CELF2: variants seen among roughly 807,000 people sequenced by gnomAD.
CELF2 encodes CUGBP Elav-like family member 2.
Under a neutral mutation model 62.6 loss-of-function variants are expected in CELF2, and 8 were observed. The ratio of observed to expected loss-of-function variants is 0.13; its 90% CI spans 0.07 to 0.23. CELF2 has a LOEUF of 0.23. CELF2 is among the 10% of genes least tolerant of loss of function. The pLI, the probability that CELF2 is intolerant of heterozygous loss-of-function variation, is 1.00. For synonymous variants in CELF2, 258 were observed against 250.0 expected (o/e 1.03, Z -0.30); for missense variants, 333 against 671.0 (o/e 0.50, Z 5.56).
intron 1 of CELF2, among the ~76,000 whole-genome samples, chr10:10,879,671 A>G (rs1458439029): frequency 1.3e-5 from 2 of 152,220 alleles, no homozygotes; most frequent in Non-Finnish European, 2.9e-5. Flanking sequence ...CTTCGGCCCA[A>G]TCAAATGTAA....
the CELF2 span, among the ~76,000 whole-genome samples, chr10:10,740,256 T>A: frequency 1.3e-5 from 2 of 150,744 alleles, no homozygotes; most frequent in Admixed American, 6.7e-5. Context: ...CCATTTCAAG[T>A]CTCATCTTTA....
At chr10:11,009,511 C>G (rs991763727) in intron 1 of CELF2, among the ~76,000 whole-genome samples, 3 of 152,164 alleles carry the variant, frequency 2.0e-5, no homozygotes, top group African/African-American at 7.2e-5. Flanking sequence ...TATCTCCCCC[C>G]ACAGCTTTCT....
Position 11,145,621 on chromosome 10 carries a change from G to A in CELF2, c.75-19865G>A, listed in dbSNP as rs1217574711. ...AGTGGAGAGCGGAAGTGAGCTGTGG[G>A]TGACTGCAGAGAGGTTGTAGCACTC... On this transcript the variant is annotated intron_variant, in intron 1 of 12. Transcript: ENST00000633077. The surrounding 1 kb of genome is among the most constrained non-coding windows in gnomAD (Gnocchi z 4.3). Among the ~76,000 whole-genome samples the A allele has an allele frequency of 6.6e-6, 1 of 152,204 alleles. No individual in the cohort carries two copies. Among genetic ancestry groups the A allele is most frequent in the Non-Finnish European group, 1.5e-5 (1 of 68,034 alleles).
chr10:10,629,818 T>C, the CELF2 span, among the ~76,000 whole-genome samples: 5 of 131,856 alleles, frequency 3.8e-5, no homozygotes, highest in Non-Finnish European at 6.1e-5. Context: ...TGTTATGTAG[T>C]AGTTTTTGCC....
chr10:11,279,263 T>G (rs1275563997), intron 8 of CELF2, among the ~76,000 whole-genome samples: 3 of 152,220 alleles, frequency 2.0e-5, no homozygotes, highest in Non-Finnish European at 4.4e-5. Context: ...CCAGAATATC[T>G]GGTCTAAGTT....
chr10:11,180,463 A>T (rs539277344), intron 2 of CELF2, among the ~76,000 whole-genome samples: 7 of 152,290 alleles, frequency 4.6e-5, no homozygotes, highest in Non-Finnish European at 8.8e-5. Flanking sequence ...CAGAGCAGTG[A>T]CAACAGTGTC....
rs970775440 is a variant in CELF2 at position 11,277,172 on chromosome 10, A to G, written c.841+2052A>G. 2.6e-5 allele frequency among the ~76,000 whole-genome samples: 4 copies of G among 152,194 alleles called. No homozygotes were observed. In the East Asian group the frequency reaches 7.7e-4, roughly 29 times the overall value. Reference sequence around the variant, plus strand: ...AGGTCTCCTCTTCCTACGTATTTGAAGTATTATGGCTTGGAGTACTTTCTC... The same window carrying G: ...AGGTCTCCTCTTCCTACGTATTTGAGGTATTATGGCTTGGAGTACTTTCTC... On this transcript the variant is annotated intron_variant, in intron 8 of 12. Transcript: ENST00000633077.
At chr10:10,541,406 C>G in the CELF2 span, among the ~76,000 whole-genome samples, 1 of 152,076 alleles carries the variant, frequency 6.6e-6, no homozygotes, top group South Asian at 2.1e-4. Context: ...AATGTGAAAG[C>G]AAGTTTATTA....
At chr10:10,852,789 A>G (rs568818653) in intron 1 of CELF2, among the ~76,000 whole-genome samples, 85 of 152,324 alleles carry the variant, frequency 5.6e-4, no homozygotes, top group Non-Finnish European at 3.4e-4. Context: ...TCAAAAAGAA[A>G]ACTTTAAACA....
At chr10:10,733,242 G>C in the CELF2 span, among the ~76,000 whole-genome samples, 1 of 152,160 alleles carries the variant, frequency 6.6e-6, no homozygotes. Flanking sequence ...GTTTCTCTAA[G>C]AGATGTGCTA....
In CELF2 at chr10:11,285,503, C is replaced by T. The variant is rs1041361047; in HGVS notation, c.842-2915C>T. ...GACACCCAGGCCCTTAGCCCTGGATCCTAAAGGAGCGGGCAGTGGAGAGAA... is the reference window on the plus strand; with the variant it reads ...GACACCCAGGCCCTTAGCCCTGGATTCTAAAGGAGCGGGCAGTGGAGAGAA... On this transcript the variant is annotated intron_variant, in intron 8 of 12. Transcript: ENST00000633077. This position sits in a 1 kb window ranked among gnomAD's most constrained non-coding sequence, Gnocchi z 4.3. Among the ~76,000 whole-genome samples the T allele has an allele frequency of 2.6e-5, 4 of 152,114 alleles. No individual in the cohort carries two copies. Among genetic ancestry groups the T allele is most frequent in the African/African-American group, 9.7e-5 (4 of 41,398 alleles).
In CELF2 at chr10:11,234,021, A is replaced by G. The variant is rs143696538; in HGVS notation, c.355-15132A>G. 1.6e-3 allele frequency among the ~76,000 whole-genome samples: 241 copies of G among 152,316 alleles called. 1 individual carries two copies. Among genetic ancestry groups the G allele is most frequent in the African/African-American group, 5.7e-3 (235 of 41,560 alleles). On this transcript the variant is annotated intron_variant, in intron 3 of 12. Transcript: ENST00000633077. ...CTGCTGAGTTTGAAGGGTGAGATCC[A>G]CGCTCTATACTGTGCCCCTACCTTT...
chr10:11,189,648 G>C (rs1442503353), intron 2 of CELF2, among the ~76,000 whole-genome samples: 1 of 152,210 alleles, frequency 6.6e-6, no homozygotes, highest in African/African-American at 2.4e-5. Context: ...AGCTCCCTGT[G>C]CTGTGGCCTG....
At chr10:10,806,281 T>C (rs1341390336) in intron 1 of CELF2, among the ~76,000 whole-genome samples, 2 of 150,570 alleles carry the variant, frequency 1.3e-5, no homozygotes, top group Non-Finnish European at 3.0e-5. Flanking sequence ...CTTGGTTCAC[T>C]GCAACCTCTT....
At chr10:11,219,701 A>T (rs891529473) in intron 3 of CELF2, among the ~76,000 whole-genome samples, 1 of 152,226 alleles carries the variant, frequency 6.6e-6, no homozygotes, top group Admixed American at 6.5e-5. Context: ...TATAGGAAAA[A>T]CATGAAAGTG....
At chr10:11,248,821 C>A (rs2076341567) in intron 3 of CELF2, among the ~76,000 whole-genome samples, 1 of 152,204 alleles carries the variant, frequency 6.6e-6, no homozygotes, top group African/African-American at 2.4e-5. Flanking sequence ...CTCGAGATTG[C>A]ATGGCTGTAA....
At chr10:11,263,490 G>C (rs1243688523) in intron 5 of CELF2, among the ~76,000 whole-genome samples, 1 of 152,132 alleles carries the variant, frequency 6.6e-6, no homozygotes, top group South Asian at 2.1e-4. Context: ...TAGCCAAATT[G>C]CTGATTGCTG....
At chr10:10,765,290 A>T in the CELF2 span, among the ~76,000 whole-genome samples, 1 of 152,214 alleles carries the variant, frequency 6.6e-6, no homozygotes, top group East Asian at 1.9e-4. Context: ...CAATTCTTAC[A>T]AAAGTAGAAG....
the CELF2 span, among the ~76,000 whole-genome samples, chr10:10,567,025 C>T: frequency 3.0e-4 from 46 of 152,150 alleles, no homozygotes; most frequent in East Asian, 2.5e-3. Context: ...TCACATCTGC[C>T]GCGAAGATAA....
Sources: gnomAD v4.1 joint callset for allele counts (sites outside exome capture counted in the v4.1 genomes callset) on GRCh38, gnomAD v4.1.1 for gene constraint, Gnocchi (gnomAD v3.1) non-coding constraint, MANE v1.5 for transcripts, NCBI Gene and HGNC (gene_info 2026-07-23, HGNC 2026-07-21) for gene names.